Variants in EXOC2 observed in about 807,000 individuals in gnomAD.
EXOC2 encodes the protein SEC5-like 1.
In EXOC2, 70 loss-of-function variants were observed where a neutral mutation model predicts 131.8. The ratio of observed to expected loss-of-function variants is 0.53; its 90% CI spans 0.44 to 0.65. The LOEUF (loss-of-function observed/expected upper bound fraction) is 0.65, where lower values mean the gene tolerates loss of function less well. EXOC2 is among the 30% of genes least tolerant of loss of function. EXOC2 has a pLI of 0.00. For synonymous variants in EXOC2, 411 were observed against 398.4 expected (o/e 1.03, Z -0.38); for missense variants, 923 against 1,108.6 (o/e 0.83, Z 2.38).
chr6:647,537 C>T (rs375597496), intron 1 of EXOC2, among the ~76,000 whole-genome samples: 15 of 141,524 alleles, frequency 1.1e-4, no homozygotes, highest in East Asian at 1.0e-3. Flanking sequence ...TCCTGGTGAC[C>T]GGATCTGTAA....
At chr6:683,789 G>T (rs1764518592) in intron 1 of EXOC2, among the ~76,000 whole-genome samples, 1 of 152,202 alleles carries the variant, frequency 6.6e-6, no homozygotes, top group Non-Finnish European at 1.5e-5. Flanking sequence ...GCTTCTCGAA[G>T]GCCATAAATC....
intron 6 of EXOC2, among the ~76,000 whole-genome samples, chr6:614,095 G>A (rs1760855657): frequency 6.6e-6 from 1 of 152,056 alleles, no homozygotes; most frequent in South Asian, 2.1e-4. Flanking sequence ...CAAAAGGTCT[G>A]GCCTTTGTCC....
chr6:531,246 G>T (rs1187659700), intron 23 of EXOC2, among the ~76,000 whole-genome samples: 2 of 152,196 alleles, frequency 1.3e-5, no homozygotes, highest in African/African-American at 2.4e-5. Context: ...AGAGTGCCAG[G>T]GCAGAGGTGG....
intron 10 of EXOC2, among the ~76,000 whole-genome samples, chr6:596,748 T>C (rs1331260735): frequency 5.3e-5 from 8 of 152,278 alleles, no homozygotes; most frequent in East Asian, 1.9e-4. Context: ...AACCACTGAA[T>C]AGTCAATAAA....
At chr6:615,182 G>GTGTGTGT (rs1561927678) in intron 6 of EXOC2, among the ~76,000 whole-genome samples, 11,981 of 120,966 alleles carry the variant, frequency 0.099, 559 homozygotes, top group East Asian at 0.2. Flanking sequence ...TGTGGGTGTG[G>GTGTGTGT]GTGTGTGTGT....
rs376959906 is a variant in EXOC2 at position 592,456 on chromosome 6, G to A, written c.1192+13C>T. On this transcript the variant is annotated intron_variant, in intron 11 of 27. Coordinates refer to ENST00000230449, the MANE Select transcript of EXOC2 (RefSeq NM_018303.6). ...GAAGGAATCACACAACACATTGGAA[G>A]AGAAATCCTTGCCTTTCAGATCTTT... 1.2e-5 allele frequency: 20 copies of A among 1,604,438 alleles called. No homozygotes were observed. Among genetic ancestry groups the A allele is most frequent in the Non-Finnish European group, 1.7e-5 (20 of 1,171,796 alleles).
intron 6 of EXOC2, among the ~76,000 whole-genome samples, chr6:613,365 T>C (rs541871611): frequency 1.8e-4 from 27 of 151,856 alleles, no homozygotes; most frequent in Non-Finnish European, 3.7e-4. Context: ...CGGGTTGGGA[T>C]GGACTGAAAA....
At chr6:585,812 A>G (rs1000572805) in intron 11 of EXOC2, among the ~76,000 whole-genome samples, 1 of 152,256 alleles carries the variant, frequency 6.6e-6, no homozygotes, top group Non-Finnish European at 1.5e-5. Flanking sequence ...TTTATAGTCT[A>G]TCCATTTAAA....
chr6:496,384 T>G (rs1036689701), intron 25 of EXOC2, among the ~76,000 whole-genome samples: 2 of 152,228 alleles, frequency 1.3e-5, no homozygotes, highest in African/African-American at 4.8e-5. Flanking sequence ...AGCAGTTAAC[T>G]TATTTGGACT....
chr6:564,684 T>C lies in EXOC2; in HGVS notation c.1528A>G (p.Met510Val), dbSNP rs1757877238. 7.5e-6 allele frequency: 12 copies of C among 1,595,582 alleles called. No individual in the cohort carries two copies. Among genetic ancestry groups the C allele is most frequent in the Non-Finnish European group, 1.0e-5 (12 of 1,170,762 alleles). ...CGGGTAAGCTTCACCAGGGAGTGCA[T>C]TACTTCCTGAATCATTTTCTAGAAA... is the stretch of plus-strand genomic sequence containing the variant. ...NDFKKMIQEV[M>V]HSLVKLTRGA... The change falls in exon 15 of 28, where the codon ATG (methionine) becomes GTG (valine). Residue 510 changes from methionine (M) to valine (V), a missense_variant. Transcript: ENST00000230449.
intron 3 of EXOC2, among the ~76,000 whole-genome samples, chr6:631,310 T>A (rs1027829920): frequency 3.3e-5 from 5 of 152,094 alleles, no homozygotes; most frequent in South Asian, 2.1e-4. Context: ...GAGGCCGAGG[T>A]GGGCGAATCA....
chr6:610,868 A>G (rs1760678548), intron 6 of EXOC2, among the ~76,000 whole-genome samples: 1 of 152,214 alleles, frequency 6.6e-6, no homozygotes, highest in African/African-American at 2.4e-5. Flanking sequence ...AAATAAACAG[A>G]CTGCTCCTCT....
intron 1 of EXOC2, among the ~76,000 whole-genome samples, chr6:650,771 T>G (rs1762792850): frequency 1.3e-5 from 2 of 152,208 alleles, no homozygotes. Context: ...AACTATTAGA[T>G]TTTTCATTTC....
chr6:681,497 C>A (rs1320268907), intron 1 of EXOC2, among the ~76,000 whole-genome samples: 1 of 152,100 alleles, frequency 6.6e-6, no homozygotes, highest in Non-Finnish European at 1.5e-5. Flanking sequence ...ATGTTTAAAC[C>A]AAAATGAGTT....
intron 1 of EXOC2, among the ~76,000 whole-genome samples, chr6:646,551 T>C (rs1485101495): frequency 6.6e-6 from 1 of 152,202 alleles, no homozygotes; most frequent in Non-Finnish European, 1.5e-5. Context: ...CACAAACACA[T>C]CCCATTAACA....
In EXOC2 at chr6:648,716, C is replaced by CT. The variant is rs60202015; in HGVS notation, c.-43-10856dup. On this transcript the variant is annotated intron_variant, in intron 1 of 27. Transcript: ENST00000230449. ...CACATACCACAAACTTTTAAAAACT[C>CT]TTTTTTTTTTTTTTTTTTTTTTTGA... Among the ~76,000 whole-genome samples, 308 of 88,468 alleles carry CT rather than the reference C, an allele frequency of 3.5e-3. 3 individuals are homozygous for CT. The highest frequency in any genetic ancestry group is 9.8e-3 in the African/African-American group (220 of 22,416). 58.0% of individuals were successfully genotyped at this position (88,468 alleles called of 152,430 possible).
intron 1 of EXOC2, among the ~76,000 whole-genome samples, chr6:675,076 C>T (rs1764047637): frequency 1.3e-5 from 2 of 152,190 alleles, no homozygotes; most frequent in South Asian, 2.1e-4. Context: ...GCTCCCTCTG[C>T]CTCCTGACCT....
intron 11 of EXOC2, among the ~76,000 whole-genome samples, chr6:586,538 A>T (rs1263205718): frequency 6.6e-6 from 1 of 152,244 alleles, no homozygotes; most frequent in Non-Finnish European, 1.5e-5. Flanking sequence ...CATAAAAGTA[A>T]TAAAGACCAG....
At chr6:590,718 C>T (rs1027297150) in intron 11 of EXOC2, among the ~76,000 whole-genome samples, 27 of 152,260 alleles carry the variant, frequency 1.8e-4, no homozygotes, top group African/African-American at 6.5e-4. Flanking sequence ...CCATGACCAC[C>T]CCTTCTTCGT....
Sources: allele counts gnomAD v4.1 joint callset (sites outside exome capture counted in the v4.1 genomes callset), GRCh38; gene constraint gnomAD v4.1.1; transcripts MANE v1.5; gene names NCBI Gene and HGNC (gene_info 2026-07-23, HGNC 2026-07-21).